The following DYNC1I1 variants were observed in gnomAD, a reference collection of about 807,000 sequenced individuals.
The protein encoded by DYNC1I1 is cytoplasmic dynein 1 intermediate chain 1.
In DYNC1I1, 43 loss-of-function variants were observed where a neutral mutation model predicts 86.6. The ratio of observed to expected loss-of-function variants is 0.50; its 90% CI spans 0.39 to 0.64. The LOEUF (loss-of-function observed/expected upper bound fraction) is 0.64. Among genes scored for constraint, DYNC1I1 ranks in the 30% least tolerant of loss-of-function variants. The pLI, the probability that DYNC1I1 is intolerant of heterozygous loss-of-function variation, is 0.00. For synonymous variants in DYNC1I1, 262 were observed against 283.7 expected (o/e 0.92, Z 0.77); for missense variants, 604 against 788.8 (o/e 0.77, Z 2.81).
At chr7:95,788,622 TG>T (rs1794210983) in intron 1 of DYNC1I1, among the ~76,000 whole-genome samples, 1 of 152,204 alleles carries the variant, frequency 6.6e-6, no homozygotes, top group South Asian at 2.1e-4. Flanking sequence ...CGGCACACAC[TG>T]GGGAAAACCT....
chr7:95,916,713 G>A (rs560725122), intron 6 of DYNC1I1, among the ~76,000 whole-genome samples: 13 of 152,166 alleles, frequency 8.5e-5, no homozygotes, highest in Non-Finnish European at 1.5e-4. Context: ...CTTAAACCCA[G>A]TTTTGCCGCT....
At chr7:95,819,565 T>G (rs2690290) in intron 4 of DYNC1I1, among the ~76,000 whole-genome samples, 96,063 of 151,780 alleles carry the variant, frequency 0.63, 31,051 homozygotes, top group African/African-American at 0.76. Context: ...TAAAGGGAAG[T>G]CATAAAGGAA....
At chr7:95,988,032 A>G (rs891284172) in intron 9 of DYNC1I1, among the ~76,000 whole-genome samples, 1 of 152,160 alleles carries the variant, frequency 6.6e-6, no homozygotes, top group Non-Finnish European at 1.5e-5. Flanking sequence ...GCTTGTCCAC[A>G]TACAGTTTTC....
chr7:95,930,885 C>T (rs531167761), intron 6 of DYNC1I1, among the ~76,000 whole-genome samples: 1 of 152,086 alleles, frequency 6.6e-6, no homozygotes, highest in Non-Finnish European at 1.5e-5. Flanking sequence ...GGATTCTGCC[C>T]CCATTGTTTC....
At chr7:95,997,167 C>A (rs967913404) in intron 10 of DYNC1I1, among the ~76,000 whole-genome samples, 4 of 152,062 alleles carry the variant, frequency 2.6e-5, no homozygotes, top group Non-Finnish European at 5.9e-5. Flanking sequence ...TGGTAAATAA[C>A]CTTTATTTTC....
intron 6 of DYNC1I1, among the ~76,000 whole-genome samples, chr7:95,876,222 T>C (rs1191635825): frequency 6.6e-6 from 1 of 152,200 alleles, no homozygotes; most frequent in Non-Finnish European, 1.5e-5. Context: ...AAAATCCAGA[T>C]ATATCTGAAA....
At chr7:95,795,732 G>T (rs553426698) in intron 1 of DYNC1I1, among the ~76,000 whole-genome samples, 20 of 152,106 alleles carry the variant, frequency 1.3e-4, no homozygotes, top group Admixed American at 2.6e-4. Context: ...ACTGGGCTCT[G>T]TTGAAGGGTG....
At chr7:96,050,350 T>A (rs1562985872) in intron 14 of DYNC1I1, among the ~76,000 whole-genome samples, 1 of 152,122 alleles carries the variant, frequency 6.6e-6, no homozygotes, top group Non-Finnish European at 1.5e-5. Context: ...AAGAGAGAAG[T>A]GATGATTTTA....
intron 1 of DYNC1I1, among the ~76,000 whole-genome samples, chr7:95,803,925 C>T (rs1332107600): frequency 6.6e-6 from 1 of 152,170 alleles, no homozygotes; most frequent in Non-Finnish European, 1.5e-5. Flanking sequence ...TCACTACCAG[C>T]ATCGTCATCA....
chr7:96,080,317 A>G (rs898889584), intron 15 of DYNC1I1, 46 bp from the exon 16 acceptor site: 4 of 1,513,678 alleles, frequency 2.6e-6, no homozygotes, highest in Admixed American at 2.2e-5. Flanking sequence ...GTATATTTAA[A>G]TTCATATTCA....
chr7:96,095,458 C>T (rs936078176), intron 16 of DYNC1I1, among the ~76,000 whole-genome samples: 21 of 151,934 alleles, frequency 1.4e-4, no homozygotes, highest in Middle Eastern at 3.2e-3. Flanking sequence ...AATAATATAG[C>T]TTTATGTTTG....
chr7:95,862,451 A>G (rs2600560), intron 5 of DYNC1I1, among the ~76,000 whole-genome samples: 94,130 of 151,964 alleles, frequency 0.62, 30,918 homozygotes, highest in Non-Finnish European at 0.74. Flanking sequence ...GCACAAAAAA[A>G]GATACTCAAC....
At chr7:96,011,905 T>C (rs1794284785) in intron 10 of DYNC1I1, among the ~76,000 whole-genome samples, 1 of 152,170 alleles carries the variant, frequency 6.6e-6, no homozygotes, top group Non-Finnish European at 1.5e-5. Flanking sequence ...ATCCCTGTAA[T>C]TGTACTGGTA....
At chr7:95,974,337 A>G (rs1793249548) in intron 6 of DYNC1I1, among the ~76,000 whole-genome samples, 1 of 152,172 alleles carries the variant, frequency 6.6e-6, no homozygotes. Flanking sequence ...TGCTCAGTCA[A>G]TATTTGTTAG....
At chr7:95,873,840 T>G (rs10278691) in intron 6 of DYNC1I1, among the ~76,000 whole-genome samples, 24,094 of 152,230 alleles carry the variant, frequency 0.16, 1,969 homozygotes, top group Admixed American at 0.21. Flanking sequence ...TACATTCAAT[T>G]TCCCATTATT....
intron 7 of DYNC1I1, among the ~76,000 whole-genome samples, chr7:95,978,424 C>A (rs1293717838): frequency 2.0e-5 from 3 of 152,136 alleles, no homozygotes; most frequent in Non-Finnish European, 2.9e-5. Context: ...TCCTTACAAA[C>A]CCAATTTTGT....
At chr7:95,997,586 TG>T (rs1793900129) in intron 10 of DYNC1I1, among the ~76,000 whole-genome samples, 1 of 79,616 alleles carries the variant, frequency 1.3e-5, no homozygotes, top group Non-Finnish European at 2.5e-5. Context: ...GGCATTCTTG[TG>T]TGTGTGTGTG....
At chr7:95,854,309 A>G (rs1209032418) in intron 5 of DYNC1I1, among the ~76,000 whole-genome samples, 1 of 151,868 alleles carries the variant, frequency 6.6e-6, no homozygotes, top group Non-Finnish European at 1.5e-5. Context: ...TGTATCTACT[A>G]TAGGTTTTTG....
At chr7:95,932,662 C>T (rs2116414274) in intron 6 of DYNC1I1, among the ~76,000 whole-genome samples, 1 of 152,184 alleles carries the variant, frequency 6.6e-6, no homozygotes, top group South Asian at 2.1e-4. Flanking sequence ...GAACCCTTTC[C>T]ATTTTTAGAT....
Sources: allele counts gnomAD v4.1 joint callset (sites outside exome capture counted in the v4.1 genomes callset), GRCh38; gene constraint gnomAD v4.1.1; transcripts MANE v1.5; gene names NCBI Gene and HGNC (gene_info 2026-07-23, HGNC 2026-07-21).